ESPL1: variants seen among roughly 807,000 people sequenced by gnomAD.
The protein encoded by ESPL1 is separin.
In ESPL1, 50 loss-of-function variants were observed where a neutral mutation model predicts 217.2. The ratio of observed to expected loss-of-function variants is 0.23; its 90% CI spans 0.18 to 0.29. ESPL1 has a LOEUF of 0.29. Ranked by LOEUF, ESPL1 falls within the 10% of genes least tolerant of loss-of-function variation. The pLI is 1.00. For synonymous variants in ESPL1, 994 were observed against 1,081.3 expected, an observed-to-expected ratio of 0.92 and a Z score of 1.58; for missense variants, 1,834 against 2,603.0, an observed-to-expected ratio of 0.70 and a Z score of 6.43.
In ESPL1 at chr12:53,282,192, A is replaced by G. The variant is rs1013614024; in HGVS notation, c.2620-72A>G. 7.5e-7 allele frequency: 1 copy of G among 1,328,958 alleles called. No homozygotes were observed. The highest frequency in any genetic ancestry group is 1.1e-6 in the Non-Finnish European group (1 of 931,086). 82.3% of individuals were successfully genotyped at this position (1,328,958 alleles called of 1,614,324 possible). The stretch of plus-strand genomic sequence containing the variant: ...GGGCCTTCAGGGATGGGGCCACGTA[A>G]TCTCCAGGGCCTCTCAAGCTCTGGA... On this transcript the variant is annotated intron_variant, in intron 13 of 30. Transcript: ENST00000257934. This position sits in a 1 kb window ranked among gnomAD's most constrained non-coding sequence, Gnocchi z 4.0.
chr12:53,272,681 A>T, intron 5 of ESPL1, 40 bp from the exon 6 acceptor site: 3 of 1,602,386 alleles, frequency 1.9e-6, no homozygotes, highest in East Asian at 4.5e-5. Flanking sequence ...GGGTGGTGGG[A>T]GCCTTTCCTA....
chr12:53,272,696 C>A, intron 5 of ESPL1, 25 bp from the exon 6 acceptor site: 1 of 1,610,190 alleles, frequency 6.2e-7, no homozygotes, highest in South Asian at 1.1e-5. Context: ...TTCCTATGGT[C>A]AATTGTGCCT....
chr12:53,283,915 C>T, intron 16 of ESPL1, 143 bp from the exon 17 acceptor site: 1 of 687,698 alleles, frequency 1.5e-6, no homozygotes, highest in Non-Finnish European at 2.6e-6. Flanking sequence ...CCCAGGGAGC[C>T]TTTAAGTCAG....
In ESPL1 at chr12:53,290,949, C is replaced by G; in HGVS notation, c.5473C>G (p.Leu1825Val). 6 of 1,605,512 alleles carry G rather than the reference C, an allele frequency of 3.7e-6. No individual in the cohort carries two copies. Among genetic ancestry groups the G allele is most frequent in the Non-Finnish European group, 5.1e-6 (6 of 1,176,258 alleles). ...CCAGGAGGCCTCCCGCCTACAGGAG[C>G]TGCTACAGGACTGTGGCTGGAAATA... ...PAQEASRLQE[L>V]LQDCGWKYPD... Residue 1825 changes from leucine (L) to valine (V), a missense_variant, in exon 25 of 31, where the codon CTG (leucine) becomes GTG (valine). By Grantham distance (32) the Leu-to-Val change is conservative. Coordinates refer to ENST00000257934, the MANE Select transcript of ESPL1 (RefSeq NM_012291.5).
At chr12:53,278,268 A>G (rs1943804355) in intron 11 of ESPL1, among the ~76,000 whole-genome samples, 1 of 152,064 alleles carries the variant, frequency 6.6e-6, no homozygotes, top group Non-Finnish European at 1.5e-5. Flanking sequence ...GTATGCTCAA[A>G]TGTTAGCTTT....
rs1342307311 is a variant in ESPL1, at chr12:53,283,392, G to A, written c.2931G>A (p.Leu977=). ...TCTCTTTTGCTACAGGTGAAAATCTGGTACAAAAATGGCAGGTTCTTTCAG... is the reference window on the plus strand; with the variant it reads ...TCTCTTTTGCTACAGGTGAAAATCTAGTACAAAAATGGCAGGTTCTTTCAG... ...ETSFLDYGEN[L]VQKWQVLSEV... is the part of the protein sequence containing the mutation. Residue 977 remains leucine (L), a synonymous_variant, in exon 16 of 31, where the codon CTG becomes CTA. Coordinates refer to ENST00000257934, the MANE Select transcript of ESPL1 (RefSeq NM_012291.5). 3 of 1,613,940 alleles carry A rather than the reference G, an allele frequency of 1.9e-6. No individual in the cohort carries two copies. The highest frequency in any genetic ancestry group is 2.5e-6 in the Non-Finnish European group (3 of 1,179,996).
intron 13 of ESPL1, among the ~76,000 whole-genome samples, 191 bp downstream of exon 13, chr12:53,281,817 A>C (rs1025252741): frequency 2.0e-5 from 3 of 152,096 alleles, no homozygotes; most frequent in African/African-American, 7.2e-5. Flanking sequence ...GTAGAGATAC[A>C]GTCCTTTTCC....
chr12:53,292,750 C>A lies in ESPL1; in HGVS notation c.5997-56C>A. On this transcript the variant is annotated intron_variant, in intron 29 of 30. Coordinates refer to ENST00000257934, the MANE Select transcript of ESPL1 (RefSeq NM_012291.5). The surrounding 1 kb of genome is among the most constrained non-coding windows in gnomAD (Gnocchi z 4.5). The stretch of plus-strand genomic sequence containing the variant: ...TGGGACTTGAGAGCCTCTGAAGACA[C>A]AGGCAGAGGCCAGGTATTACTAGCT... 6.3e-7 allele frequency: 1 copy of A among 1,599,968 alleles called. No homozygotes were observed. The highest frequency in any genetic ancestry group is 8.5e-7 in the Non-Finnish European group (1 of 1,171,844).
In ESPL1 at chr12:53,292,275, C is replaced by T; in HGVS notation, c.5797-3C>T. 1.2e-6 allele frequency: 2 copies of T among 1,606,750 alleles called. No individual in the cohort carries two copies. Among genetic ancestry groups the T allele is most frequent in the Non-Finnish European group, 1.7e-6 (2 of 1,173,320 alleles). The stretch of plus-strand genomic sequence containing the variant: ...ATCCTAATCGCCAGTGTCTCCTCCT[C>T]AGTATGGGGCCTCGCCAGTGCTGAG... On this transcript the variant is annotated splice_region_variant and splice_polypyrimidine_tract_variant and intron_variant, in intron 27 of 30. Coordinates refer to ENST00000257934, the MANE Select transcript of ESPL1 (RefSeq NM_012291.5). The surrounding 1 kb of genome is among the most constrained non-coding windows in gnomAD (Gnocchi z 4.5).
At chr12:53,289,652 G>A in intron 22 of ESPL1, 58 bp downstream of exon 22, 1 of 1,469,836 alleles carries the variant, frequency 6.8e-7, no homozygotes. Context: ...TCTTACTTGG[G>A]AGCTGGGTGA....
In ESPL1 at chr12:53,288,176, G is replaced by A. The variant is rs554820047; in HGVS notation, c.4381G>A (p.Val1461Met). Residue 1461 changes from valine (V) to methionine (M), a missense_variant, in exon 19 of 31, where the codon GTG becomes ATG. This residue lies in a region of ESPL1 where 681 missense variants were observed against 808.0 expected (regional missense o/e 0.84). Coordinates refer to ENST00000257934, the MANE Select transcript of ESPL1 (RefSeq NM_012291.5). ...TGGCAGGAGCCGGAGGGCCAAGAAG[G>A]TGGCATCAAGACATTGTGAGGAGCG... Reference protein sequence around the residue: ...LNGRSRRAKKVASRHCEERRP... With the variant: ...LNGRSRRAKKMASRHCEERRP... The A allele has an allele frequency of 2.5e-6, 4 of 1,612,498 alleles. No homozygotes were observed. The highest frequency in any genetic ancestry group is 1.1e-5 in the South Asian group (1 of 90,914).
intron 23 of ESPL1, 24 bp from the exon 24 acceptor site, chr12:53,290,323 C>T (rs1944030749): frequency 1.9e-6 from 3 of 1,611,588 alleles, no homozygotes; most frequent in African/African-American, 2.7e-5. Context: ...ACAAGCAGAG[C>T]TCTCACAGCC....
At chr12:53,270,819 GCA>G in intron 5 of ESPL1, 21 bp downstream of exon 5, 1 of 1,613,534 alleles carries the variant, frequency 6.2e-7, no homozygotes, top group South Asian at 1.1e-5. Flanking sequence ...TGGGTCCCAG[GCA>G]CAGAGTTTGT....
At position 53,287,969 on chromosome 12, in the gene ESPL1, C is replaced by A; in HGVS notation, c.4177-3C>A. On this transcript the variant is annotated splice_region_variant and splice_polypyrimidine_tract_variant and intron_variant, in intron 18 of 30. Transcript: ENST00000257934. The stretch of plus-strand genomic sequence containing the variant: ...GCCCTTCACCCTTTCACTCTGATCT[C>A]AGGTGAACTTCAGTGATGACAGTGA... 1 of 1,592,376 alleles carries A rather than the reference C, an allele frequency of 6.3e-7. No homozygotes were observed. Among genetic ancestry groups the A allele is most frequent in the Non-Finnish European group, 8.6e-7 (1 of 1,169,254 alleles).
Position 53,272,747 on chromosome 12 carries a change from A to C in ESPL1, c.1396A>C (p.Ser466Arg). 6.2e-7 allele frequency: 1 copy of C among 1,614,040 alleles called. No homozygotes were observed. Among genetic ancestry groups the C allele is most frequent in the Non-Finnish European group, 8.5e-7 (1 of 1,180,002 alleles). Residue 466 changes from serine to arginine, a missense_variant, in exon 6 of 31, where the codon AGC becomes CGC. This residue lies in a region of ESPL1 where 746 missense variants were observed against 1,077.0 expected (regional missense o/e 0.69). Coordinates refer to ENST00000257934, the MANE Select transcript of ESPL1 (RefSeq NM_012291.5). The part of the protein sequence containing the change: ...TASYTSNLAY[S>R]FYSHKLYAEA... ...TTCTTACACCAGTAATTTGGCCTAC[A>C]GCTTCTATAGTCACAAGCTCTATGC...
At chr12:53,288,431 A>G in intron 19 of ESPL1, 90 bp downstream of exon 19, 1 of 1,529,842 alleles carries the variant, frequency 6.5e-7, no homozygotes. Flanking sequence ...AAGGAAGTAC[A>G]GGAAGAATGT....
intron 1 of ESPL1, 43 bp downstream of exon 1, chr12:53,268,420 T>G: frequency 7.2e-6 from 2 of 276,088 alleles, no homozygotes; most frequent in South Asian, 4.8e-5. Context: ...CGTGCTGAAG[T>G]GAAGGGGATC....
At position 53,270,673 on chromosome 12, in the gene ESPL1, T is replaced by G; in HGVS notation, c.1249-5T>G. On this transcript the variant is annotated splice_region_variant and splice_polypyrimidine_tract_variant and intron_variant, in intron 4 of 30. Coordinates refer to ENST00000257934, the MANE Select transcript of ESPL1 (RefSeq NM_012291.5). ...CTCACTCTCAAACCCTTCTTGTCCCTTCAGATAGTTGATTTGGCTGACCTG... is the reference window on the plus strand; with the variant it reads ...CTCACTCTCAAACCCTTCTTGTCCCGTCAGATAGTTGATTTGGCTGACCTG... 6.2e-7 allele frequency: 1 copy of G among 1,614,154 alleles called. No homozygotes were observed. Among genetic ancestry groups the G allele is most frequent in the Non-Finnish European group, 8.5e-7 (1 of 1,180,022 alleles).
chr12:53,288,676 T>C lies in ESPL1; in HGVS notation c.4685T>C (p.Leu1562Pro). The change falls in exon 20 of 31, where the codon CTC (leucine) becomes CCC (proline). Residue 1562 changes from leucine to proline, a missense_variant. Leu to Pro is a moderately conservative substitution (Grantham distance 98). Coordinates refer to ENST00000257934, the MANE Select transcript of ESPL1 (RefSeq NM_012291.5). ...AAGGACCTTGGTCCTCGGCTCCGGC[T>C]CCCCTCAGCCCCCGTAGCCACTGGT... The part of the protein sequence containing the change: ...SDKDLGPRLR[L>P]PSAPVATGLS... 1 of 1,613,128 alleles carries C rather than the reference T, an allele frequency of 6.2e-7. No homozygotes were observed. Among genetic ancestry groups the C allele is most frequent in the African/African-American group, 1.3e-5 (1 of 74,994 alleles).
Sources: allele counts gnomAD v4.1 joint callset (sites outside exome capture counted in the v4.1 genomes callset), GRCh38; gene constraint gnomAD v4.1.1; regional missense constraint gnomAD v4.1.1; non-coding constraint Gnocchi (gnomAD v3.1); transcripts MANE v1.5; gene names NCBI Gene and HGNC (gene_info 2026-07-23, HGNC 2026-07-21).